ATP6V0A1: variants seen among roughly 807,000 people sequenced by gnomAD.
ATP6V0A1 encodes ATPase H+ transporting V0 subunit a1, also known as V-type proton ATPase 116 kDa subunit a 1.
ATP6V0A1 carries 43 observed loss-of-function variants against 105.4 expected under a neutral mutation model. The ratio of observed to expected loss-of-function variants is 0.41; its 90% CI spans 0.32 to 0.53. ATP6V0A1 has a LOEUF of 0.53. Ranked by LOEUF, ATP6V0A1 falls within the 20% of genes least tolerant of loss-of-function variation. The pLI, the probability that ATP6V0A1 is intolerant of heterozygous loss-of-function variation, is 0.30. For synonymous variants in ATP6V0A1, 362 were observed against 372.8 expected (o/e 0.97, Z 0.33); for missense variants, 676 against 1,051.1 (o/e 0.64, Z 4.93).
chr17:42,487,656 A>T (rs1598877177), intron 10 of ATP6V0A1, among the ~76,000 whole-genome samples: 2 of 152,108 alleles, frequency 1.3e-5, no homozygotes, highest in African/African-American at 4.8e-5. Flanking sequence ...TGAACCTGGG[A>T]GGCGGAGCTT....
chr17:42,499,774 C>G (rs1297959354), intron 15 of ATP6V0A1, among the ~76,000 whole-genome samples: 2 of 145,618 alleles, frequency 1.4e-5, no homozygotes, highest in African/African-American at 5.1e-5. Flanking sequence ...GGTGACAGAG[C>G]AAGACTCCAT....
chr17:42,493,484 A>G (rs1323403214), intron 11 of ATP6V0A1, among the ~76,000 whole-genome samples: 1 of 152,068 alleles, frequency 6.6e-6, no homozygotes, highest in Admixed American at 6.6e-5. Context: ...CTTCATTTCC[A>G]CTGTTCTTTG....
At chr17:42,488,617 C>G (rs941161442) in intron 10 of ATP6V0A1, among the ~76,000 whole-genome samples, 10 of 152,108 alleles carry the variant, frequency 6.6e-5, no homozygotes, top group African/African-American at 2.4e-4. Flanking sequence ...ACTACAGGTG[C>G]CCACCATCAT....
At chr17:42,510,979 C>T (rs2092319287) in intron 19 of ATP6V0A1, 1 of 151,994 alleles carries the variant, frequency 6.6e-6, no homozygotes, top group South Asian at 2.1e-4. Context: ...AGATTGACTC[C>T]CAGACTCTCC....
chr17:42,494,615 A>G, intron 12 of ATP6V0A1, 142 bp downstream of exon 12: 1 of 1,040,308 alleles, frequency 9.6e-7, no homozygotes, highest in Admixed American at 2.9e-5. Context: ...AACACCAAAG[A>G]CGACATGTGC....
At chr17:42,489,155 C>T (rs182614647) in intron 10 of ATP6V0A1, among the ~76,000 whole-genome samples, 66 of 150,794 alleles carry the variant, frequency 4.4e-4, no homozygotes, top group African/African-American at 1.6e-3. Context: ...TCACTGCAAC[C>T]TCCACCCTCC....
intron 5 of ATP6V0A1, among the ~76,000 whole-genome samples, chr17:42,471,846 G>A (rs956459976): frequency 2.6e-5 from 4 of 152,120 alleles, no homozygotes; most frequent in Admixed American, 6.6e-5. Context: ...GTCTGGGGAG[G>A]AGTCTTAGCT....
chr17:42,520,377 G>GGT (rs1282870950), intron 21 of ATP6V0A1: 1 of 455,094 alleles, frequency 2.2e-6, no homozygotes, highest in South Asian at 1.6e-5. Flanking sequence ...GCCCCACAGA[G>GGT]ACCATCAGGC....
At chr17:42,511,800 T>C (rs1352586937) in intron 19 of ATP6V0A1, among the ~76,000 whole-genome samples, 1 of 151,788 alleles carries the variant, frequency 6.6e-6, no homozygotes, top group Admixed American at 6.6e-5. Context: ...TGAAATCCCA[T>C]CTTTACTAAA....
In ATP6V0A1 at chr17:42,480,754, G is replaced by T; in HGVS notation, c.716+5G>T. On this transcript the variant is annotated splice_donor_5th_base_variant and intron_variant, in intron 8 of 21. Coordinates refer to ENST00000343619, the MANE Select transcript of ATP6V0A1 (RefSeq NM_001130021.3). ...AGTCAAGAAAATCTGTGAAGGGTAA[G>T]AGAGGCATGCCTCTACCAGGAGTGC... is the stretch of plus-strand genomic sequence containing the variant. 6.2e-7 allele frequency: 1 copy of T among 1,613,030 alleles called. No homozygotes were observed.
At chr17:42,510,257 C>G (rs1003264496) in intron 19 of ATP6V0A1, 8 of 152,256 alleles carry the variant, frequency 5.3e-5, no homozygotes, top group African/African-American at 1.9e-4. Context: ...CACTCACCCT[C>G]CGTGTTGTCC....
At chr17:42,479,758 A>G (rs920792674) in intron 7 of ATP6V0A1, among the ~76,000 whole-genome samples, 7 of 152,190 alleles carry the variant, frequency 4.6e-5, no homozygotes, top group Non-Finnish European at 8.8e-5. Context: ...CAATCTTGCC[A>G]AAGGCCATCA....
chr17:42,503,874 A>T (rs2091856984), intron 17 of ATP6V0A1, among the ~76,000 whole-genome samples: 1 of 152,202 alleles, frequency 6.6e-6, no homozygotes, highest in Non-Finnish European at 1.5e-5. Context: ...CTTAAAATAC[A>T]TTTTCAAGTA....
Position 42,468,046 on chromosome 17 carries a change from C to T in ATP6V0A1, c.233C>T (p.Pro78Leu), listed in dbSNP as rs545345712. Reference protein sequence around the residue: ...VEKEIRKANIPIMDTGENPEV... With the variant: ...VEKEIRKANILIMDTGENPEV... ...AAAGAGATAAGAAAAGCTAACATTCCGATTATGGACACCGGTGAAAACCCA... is the reference window on the plus strand; with the variant it reads ...AAAGAGATAAGAAAAGCTAACATTCTGATTATGGACACCGGTGAAAACCCA... The change falls in exon 4 of 22, where the codon CCG becomes CTG. Residue 78 changes from proline (P) to leucine (L), a missense_variant. Transcript: ENST00000343619. The T allele has an allele frequency of 3.1e-6, 5 of 1,604,098 alleles. No homozygotes were observed. Among genetic ancestry groups the T allele is most frequent in the South Asian group, 1.1e-5 (1 of 89,660 alleles).
In ATP6V0A1 at chr17:42,487,438, T is replaced by A. The variant is rs574201129; in HGVS notation, c.1023+71T>A. ...GTTCCCATCAATAGTAACATTAATG[T>A]CATTTTTGGCCGGGCGCGGTGGCTC... is the stretch of plus-strand genomic sequence containing the variant. On this transcript the variant is annotated intron_variant, in intron 10 of 21. Transcript: ENST00000343619. 24 of 1,536,238 alleles carry A rather than the reference T, an allele frequency of 1.6e-5. No individual in the cohort carries two copies. In the Admixed American group the frequency reaches 1.7e-4, roughly 11 times the overall value.
At chr17:42,490,759 G>A in intron 11 of ATP6V0A1, 122 bp downstream of exon 11, 2 of 1,060,212 alleles carry the variant, frequency 1.9e-6, no homozygotes, top group South Asian at 1.7e-5. Context: ...CACGACTGTA[G>A]TTCACTGCAG....
chr17:42,481,367 C>T (rs1441669049), intron 8 of ATP6V0A1: 1 of 152,030 alleles, frequency 6.6e-6, no homozygotes, highest in South Asian at 2.1e-4. Context: ...AGGTACCTGC[C>T]ACCACACCTG....
chr17:42,474,674 G>C (rs2088493820), intron 5 of ATP6V0A1, among the ~76,000 whole-genome samples: 1 of 152,170 alleles, frequency 6.6e-6, no homozygotes, highest in Non-Finnish European at 1.5e-5. Flanking sequence ...TTTCTTCTGT[G>C]TCTGAAATTA....
chr17:42,497,340 G>GATCAA (rs1435703559), intron 14 of ATP6V0A1, among the ~76,000 whole-genome samples: 13 of 147,706 alleles, frequency 8.8e-5, no homozygotes, highest in Non-Finnish European at 1.9e-4. Flanking sequence ...ACACAGATCA[G>GATCAA]AGAAATTTGA....
Sources: gnomAD v4.1 joint callset for allele counts (sites outside exome capture counted in the v4.1 genomes callset) on GRCh38, gnomAD v4.1.1 for gene constraint, MANE v1.5 for transcripts, NCBI Gene and HGNC (gene_info 2026-07-23, HGNC 2026-07-21) for gene names.